Variants in TMTC1 observed in about 807,000 individuals in gnomAD.
TMTC1 encodes protein O-mannosyl-transferase TMTC1.
TMTC1 carries 73 observed loss-of-function variants against 104.8 expected under a neutral mutation model. That is an observed-to-expected ratio of 0.70 (90% CI 0.58 to 0.85). TMTC1 has a LOEUF of 0.85. Ranked by LOEUF, TMTC1 falls within the 40% of genes least tolerant of loss-of-function variation. The pLI is 0.00. For synonymous variants in TMTC1, 434 were observed against 428.7 expected (o/e 1.01, Z -0.15); for missense variants, 1,035 against 1,096.1 (o/e 0.94, Z 0.79).
chr12:29,779,884 T>G (rs1279486394), intron 1 of TMTC1, among the ~76,000 whole-genome samples: 1 of 152,156 alleles, frequency 6.6e-6, no homozygotes, highest in East Asian at 1.9e-4. Flanking sequence ...TTTACCAAAC[T>G]CTTTGGTTTA....
intron 6 of TMTC1, among the ~76,000 whole-genome samples, chr12:29,623,816 A>C (rs988565604): frequency 7.4e-6 from 1 of 135,952 alleles, no homozygotes; most frequent in Non-Finnish European, 1.5e-5. Flanking sequence ...CCGGCTCAAA[A>C]ATAAATAAAT....
intron 3 of TMTC1, 124 bp downstream of exon 3, chr12:29,758,580 G>T: frequency 1.0e-6 from 1 of 962,658 alleles, no homozygotes; most frequent in Non-Finnish European, 1.6e-6. Flanking sequence ...TCCTATTCCT[G>T]GTCCCTGGAA....
intron 10 of TMTC1, among the ~76,000 whole-genome samples, chr12:29,548,852 T>TA (rs555473762): frequency 0.29 from 13,192 of 45,616 alleles, 2,064 homozygotes; most frequent in African/African-American, 0.54. Flanking sequence ...CTAAAATATA[T>TA]AATATATAAA....
chr12:29,666,680 C>T (rs1294650301), intron 5 of TMTC1, among the ~76,000 whole-genome samples: 1 of 152,116 alleles, frequency 6.6e-6, no homozygotes, highest in Non-Finnish European at 1.5e-5. Context: ...TTTCCCTTAC[C>T]CGGAATACTA....
chr12:29,751,822 TG>T lies in TMTC1; in HGVS notation c.781del (p.Gln261SerfsTer51). On this transcript the variant is annotated frameshift_variant, in exon 5 of 18. Transcript: ENST00000539277. LOFTEE classifies it high-confidence loss of function. ...AGGATGGCCTGGCAGTGAGGAGGGC[TG>T]GGGGCTCCCGGGCTGCTGTGGGCTG... The part of the protein sequence containing the change: ...PRSPQQPGSP[Q>X]PSSLPGHPHR... The T allele has an allele frequency of 6.2e-7, 1 of 1,607,150 alleles. No individual in the cohort carries two copies. Among genetic ancestry groups the T allele is most frequent in the Non-Finnish European group, 8.5e-7 (1 of 1,176,638 alleles).
intron 9 of TMTC1, among the ~76,000 whole-genome samples, chr12:29,559,310 A>G (rs1840568635): frequency 6.6e-6 from 1 of 152,200 alleles, no homozygotes; most frequent in South Asian, 2.1e-4. Context: ...TTTGCTCTGT[A>G]AGCAGCCGGT....
chr12:29,693,024 G>A (rs1411042763), intron 5 of TMTC1, among the ~76,000 whole-genome samples: 1 of 144,938 alleles, frequency 6.9e-6, no homozygotes, highest in Non-Finnish European at 1.5e-5. Flanking sequence ...CCCATCAGGG[G>A]TCTTTTTAGA....
intron 6 of TMTC1, among the ~76,000 whole-genome samples, chr12:29,623,720 G>A (rs1327263917): frequency 1.3e-5 from 2 of 152,148 alleles, no homozygotes; most frequent in Admixed American, 6.5e-5. Flanking sequence ...GGCTGAGACA[G>A]GAGAATCGCT....
intron 5 of TMTC1, among the ~76,000 whole-genome samples, chr12:29,673,744 C>CTT (rs146463669): frequency 8.8e-3 from 840 of 95,684 alleles, no homozygotes; most frequent in Non-Finnish European, 0.012. Flanking sequence ...AGAGGGACTT[C>CTT]TTTTTTTTTT....
chr12:29,513,523 C>T (rs1943898272), intron 16 of TMTC1, among the ~76,000 whole-genome samples: 2 of 145,472 alleles, frequency 1.4e-5, no homozygotes, highest in Admixed American at 1.4e-4. Context: ...TCCCAAATAT[C>T]TTTCCATGTG....
At chr12:29,548,364 T>C (rs917844785) in intron 10 of TMTC1, among the ~76,000 whole-genome samples, 3 of 152,288 alleles carry the variant, frequency 2.0e-5, no homozygotes, top group East Asian at 1.9e-4. Flanking sequence ...TCAATTGATA[T>C]GGTTTGGCTG....
At chr12:29,745,618 C>CAAAAAAAAAAAAAAAAAAAAAAAAA (rs71444341) in intron 5 of TMTC1, among the ~76,000 whole-genome samples, 1 of 84,574 alleles carries the variant, frequency 1.2e-5, no homozygotes, top group Non-Finnish European at 2.2e-5. Flanking sequence ...GAGACTCAAT[C>CAAAAAAAAAAAAAAAAAAAAAAAAA]AAAAAAAAAA....
intron 8 of TMTC1, 28 bp downstream of exon 8, chr12:29,583,379 A>G: frequency 6.3e-7 from 1 of 1,593,460 alleles, no homozygotes; most frequent in East Asian, 2.3e-5. Context: ...AAACAGGAAG[A>G]TATTTATTTT....
intron 5 of TMTC1, among the ~76,000 whole-genome samples, chr12:29,726,050 G>T (rs78308506): frequency 6.6e-6 from 1 of 152,166 alleles, no homozygotes; most frequent in African/African-American, 2.4e-5. Flanking sequence ...GCCTGACTGA[G>T]TTGGTTGCCA....
chr12:29,692,799 C>T (rs1459969160), intron 5 of TMTC1, among the ~76,000 whole-genome samples: 1 of 145,100 alleles, frequency 6.9e-6, no homozygotes, highest in Admixed American at 7.1e-5. Context: ...CAAGTGAACA[C>T]GATTCAGCAA....
At position 29,751,648 on chromosome 12, in the gene TMTC1, A is replaced by G. The variant is rs890413532; in HGVS notation, c.938+18T>C. 3 of 1,613,880 alleles carry G rather than the reference A, an allele frequency of 1.9e-6. No individual in the cohort carries two copies. Among genetic ancestry groups the G allele is most frequent in the African/African-American group, 1.3e-5 (1 of 74,912 alleles). ...GGACATTGAAAACATGCAGGGACCA[A>G]GAAACCCAGCCCAGTACCTCATCAT... On this transcript the variant is annotated intron_variant, in intron 5 of 17. Transcript: ENST00000539277.
chr12:29,654,632 A>C (rs138422592), intron 5 of TMTC1, among the ~76,000 whole-genome samples: 1 of 152,156 alleles, frequency 6.6e-6, no homozygotes, highest in Non-Finnish European at 1.5e-5. Flanking sequence ...GAAAACATAC[A>C]TCTACACAAA....
chr12:29,514,474 G>A lies in TMTC1; in HGVS notation c.2430+8C>T. ...ATTTGATGATATAATTTTATGATGAGTTTATACCTCAAAAGCTTTGTCGAG... is the reference window on the plus strand; with the variant it reads ...ATTTGATGATATAATTTTATGATGAATTTATACCTCAAAAGCTTTGTCGAG... On this transcript the variant is annotated splice_region_variant and intron_variant, in intron 16 of 17. Transcript: ENST00000539277. 1.2e-6 allele frequency: 2 copies of A among 1,607,054 alleles called. No homozygotes were observed. The highest frequency in any genetic ancestry group is 1.7e-6 in the Non-Finnish European group (2 of 1,178,214).
In TMTC1 at chr12:29,556,835, C is replaced by T. The variant is rs185561254; in HGVS notation, c.1676+22G>A. On this transcript the variant is annotated intron_variant, in intron 10 of 17. Coordinates refer to ENST00000539277, the MANE Select transcript of TMTC1 (RefSeq NM_001193451.2). Reference sequence around the variant, plus strand: ...TCTTGGAATCGCAAGGCCACCTGATCGATGGTAAACGTCCCACTTACTTGA... The same window carrying T: ...TCTTGGAATCGCAAGGCCACCTGATTGATGGTAAACGTCCCACTTACTTGA... 8.5e-5 allele frequency: 137 copies of T among 1,612,688 alleles called. 1 individual carries two copies. In the Admixed American group the frequency reaches 2.1e-3, roughly 25 times the overall value.
Sources: allele counts gnomAD v4.1 joint callset (sites outside exome capture counted in the v4.1 genomes callset), GRCh38; gene constraint gnomAD v4.1.1; transcripts MANE v1.5; gene names NCBI Gene and HGNC (gene_info 2026-07-23, HGNC 2026-07-21).